The following MAPKAPK5 variants were observed in gnomAD, a reference collection of about 807,000 sequenced individuals.
MAPKAPK5 encodes the protein MAP kinase-activated protein kinase 5.
MAPKAPK5 carries 30 observed loss-of-function variants against 65.1 expected under a neutral mutation model. The observed-to-expected ratio is 0.46, with a 90% CI of 0.34 to 0.63. The LOEUF is 0.63. MAPKAPK5 is among the 20% of genes least tolerant of loss of function. The pLI is 0.01. For missense variants in MAPKAPK5, 433 were observed against 581.4 expected (o/e 0.74, Z 2.63); for synonymous variants, 179 against 204.6 (o/e 0.87, Z 1.07).
chr12:111,881,325 C>T (rs953385041), intron 8 of MAPKAPK5, among the ~76,000 whole-genome samples: 5 of 151,656 alleles, frequency 3.3e-5, no homozygotes, highest in African/African-American at 1.2e-4. Context: ...CCGCCCGCCT[C>T]GGCCTCCCAA....
intron 5 of MAPKAPK5, among the ~76,000 whole-genome samples, chr12:111,869,528 TTAA>T (rs1381740059): frequency 6.6e-6 from 1 of 152,202 alleles, no homozygotes; most frequent in Non-Finnish European, 1.5e-5. Context: ...CAATTGCTTC[TTAA>T]TAAAAAGTTC....
chr12:111,868,558 A>G (rs186599380), intron 4 of MAPKAPK5, among the ~76,000 whole-genome samples, 195 bp from the exon 5 acceptor site: 431 of 152,338 alleles, frequency 2.8e-3, no homozygotes, highest in Non-Finnish European at 4.8e-3. Context: ...ATGGTAGCCA[A>G]AAATCACATT....
chr12:111,874,773 CTTTTTTT>C (rs34005167), intron 7 of MAPKAPK5, among the ~76,000 whole-genome samples: 1 of 107,692 alleles, frequency 9.3e-6, no homozygotes, highest in Non-Finnish European at 1.8e-5. Flanking sequence ...ATACTAGTGA[CTTTTTTT>C]TTTTTTTTTT....
rs1035676631 is a variant in MAPKAPK5, at chr12:111,894,630, T to G, written c.*1569T>G. On this transcript the variant is annotated 3_prime_UTR_variant, in exon 14 of 14. Transcript: ENST00000550735. Reference sequence around the variant, plus strand: ...TGGCATCCTCTGGGCTGCATTTATCTTGTTTATTACCCTTCATTTTCAGGA... The same window carrying G: ...TGGCATCCTCTGGGCTGCATTTATCGTGTTTATTACCCTTCATTTTCAGGA... The G allele has an allele frequency of 1.3e-5, 2 of 152,150 alleles. No individual in the cohort carries two copies. The highest frequency in any genetic ancestry group is 2.9e-5 in the Non-Finnish European group (2 of 68,030). The allele number at this position is 152,150 out of a possible 1,614,324, so 9.4% of individuals were successfully genotyped here. A position where few individuals can be genotyped will look rare whatever the true frequency, so the allele number is the denominator to read the frequency against.
At position 111,868,656 on chromosome 12, in the gene MAPKAPK5, G is replaced by A. The variant is rs536426216; in HGVS notation, c.285-97G>A. 65 of 865,354 alleles carry A rather than the reference G, an allele frequency of 7.5e-5. 1 individual carries two copies. The Admixed American group carries it at 1.6e-3, about 21-fold the overall frequency. The allele number at this position is 865,354 out of a possible 1,614,324, so 53.6% of individuals were successfully genotyped here. A position where few individuals can be genotyped will look rare whatever the true frequency, so the allele number is the denominator to read the frequency against. On this transcript the variant is annotated intron_variant, in intron 4 of 13. Coordinates refer to ENST00000550735, the MANE Select transcript of MAPKAPK5 (RefSeq NM_003668.4). Reference sequence around the variant, plus strand: ...GGAAGTTGTTACACACTTTGTAGATGCAGTATCTTTAGGTCAGCTTCTTAA... The same window carrying A: ...GGAAGTTGTTACACACTTTGTAGATACAGTATCTTTAGGTCAGCTTCTTAA...
chr12:111,892,771 G>T (rs2070659655), intron 13 of MAPKAPK5, among the ~76,000 whole-genome samples, 196 bp from the exon 14 acceptor site: 1 of 152,108 alleles, frequency 6.6e-6, no homozygotes, highest in South Asian at 2.1e-4. Flanking sequence ...GATTTTTACT[G>T]CCAGGTTAGT....
intron 1 of MAPKAPK5, among the ~76,000 whole-genome samples, chr12:111,862,954 T>C (rs942352259): frequency 6.6e-6 from 1 of 152,144 alleles, no homozygotes; most frequent in Non-Finnish European, 1.5e-5. Flanking sequence ...AAACAGGTCA[T>C]GTAGCAGATA....
chr12:111,847,995 A>G (rs767037259), intron 1 of MAPKAPK5, among the ~76,000 whole-genome samples: 2 of 152,222 alleles, frequency 1.3e-5, no homozygotes, highest in Non-Finnish European at 2.9e-5. Context: ...TCTCAGTTAT[A>G]GGACATTTAG....
Position 111,888,474 on chromosome 12 carries a change from G to C in MAPKAPK5, c.970-14G>C, listed in dbSNP as rs1175023219. ...CAATGAATATGAAAAACTGACGGCA[G>C]TGTTTGCATTCAGGCAGTGGTTGCA... is the stretch of plus-strand genomic sequence containing the variant. On this transcript the variant is annotated splice_polypyrimidine_tract_variant and intron_variant, in intron 10 of 13. Transcript: ENST00000550735. 2 of 1,612,332 alleles carry C rather than the reference G, an allele frequency of 1.2e-6. No individual in the cohort carries two copies. The highest frequency in any genetic ancestry group is 2.7e-5 in the African/African-American group (2 of 74,842).
rs1384291868 is a variant in MAPKAPK5 at position 111,897,969 on chromosome 12, G to A, written c.*4908G>A. 1 of 151,386 alleles carries A rather than the reference G, an allele frequency of 6.6e-6. No homozygotes were observed. Among genetic ancestry groups the A allele is most frequent in the Non-Finnish European group, 1.5e-5 (1 of 67,930 alleles). 9.4% of individuals were successfully genotyped at this position (151,386 alleles called of 1,614,324 possible). The stretch of plus-strand genomic sequence containing the variant: ...AACTGCGTAAGGAATGGGTGCATAG[G>A]GCTTCTTTTCCTTTTAAATTTGTAC... On this transcript the variant is annotated 3_prime_UTR_variant, in exon 14 of 14. Transcript: ENST00000550735.
At chr12:111,862,682 ACT>A (rs2069481393) in intron 1 of MAPKAPK5, among the ~76,000 whole-genome samples, 1 of 152,080 alleles carries the variant, frequency 6.6e-6, no homozygotes, top group Non-Finnish European at 1.5e-5. Flanking sequence ...ACAGAGCAAT[ACT>A]CTGTCTCAAA....
rs1456787981 is a variant in MAPKAPK5, at chr12:111,900,892, TATATG to T, written c.*7832_*7836del. On this transcript the variant is annotated 3_prime_UTR_variant, in exon 14 of 14. Coordinates refer to ENST00000550735, the MANE Select transcript of MAPKAPK5 (RefSeq NM_003668.4). Reference sequence around the variant, plus strand: ...GACCCTAATAATCAGTGCTTACAATTATATGGATATGGTGCAAAATCAGCCTCACA... The same window carrying T: ...GACCCTAATAATCAGTGCTTACAATTGATATGGTGCAAAATCAGCCTCACA... 1 of 455,844 alleles carries T rather than the reference TATATG, an allele frequency of 2.2e-6. No homozygotes were observed. Among genetic ancestry groups the T allele is most frequent in the African/African-American group, 2.0e-5 (1 of 50,000 alleles). 28.2% of individuals were successfully genotyped at this position (455,844 alleles called of 1,614,324 possible).
chr12:111,873,784 AT>A (rs2069862539), intron 7 of MAPKAPK5, among the ~76,000 whole-genome samples: 2 of 152,098 alleles, frequency 1.3e-5, no homozygotes, highest in African/African-American at 4.8e-5. Context: ...TTGACTTCAG[AT>A]TCATTCTTTT....
intron 1 of MAPKAPK5, among the ~76,000 whole-genome samples, chr12:111,858,116 G>A (rs1052181195): frequency 5.9e-5 from 9 of 152,212 alleles, no homozygotes; most frequent in Admixed American, 5.9e-4. Context: ...TGTTGCCCAG[G>A]CTGGTCTTGA....
At chr12:111,887,814 TACACAC>T (rs58382752) in intron 10 of MAPKAPK5, 2,335 of 144,894 alleles carry the variant, frequency 0.016, 59 homozygotes, top group African/African-American at 0.049. Context: ...TTTTCTGGGA[TACACAC>T]ACACACACAC....
At chr12:111,846,860 G>A (rs1231334795) in intron 1 of MAPKAPK5, among the ~76,000 whole-genome samples, 1 of 152,034 alleles carries the variant, frequency 6.6e-6, no homozygotes, top group Non-Finnish European at 1.5e-5. Flanking sequence ...CATATTGCCT[G>A]GGACATGAAT....
Position 111,890,101 on chromosome 12 carries a change from A to G in MAPKAPK5, c.1278A>G (p.Glu426=), listed in dbSNP as rs761254935. Residue 426 remains glutamate (E), a synonymous_variant, in exon 13 of 14, where the codon GAA becomes GAG. Transcript: ENST00000550735. ...VMQEAWKYNR[E]CKLLRDTLQS... is the part of the protein sequence containing the mutation. ...AGGAGGCTTGGAAGTATAACCGGGA[A>G]TGCAAACTCCTAAGAGATACTCTGC... 1 of 1,599,462 alleles carries G rather than the reference A, an allele frequency of 6.3e-7. No individual in the cohort carries two copies. The highest frequency in any genetic ancestry group is 2.2e-5 in the East Asian group (1 of 44,466).
chr12:111,865,425 A>G lies in MAPKAPK5; in HGVS notation c.110+102A>G. The stretch of plus-strand genomic sequence containing the variant: ...TTGAATTAGACACATCAGGTGTGCC[A>G]GATTTGAGGAATAGGCTGAATTTAA... On this transcript the variant is annotated intron_variant, in intron 2 of 13. Coordinates refer to ENST00000550735, the MANE Select transcript of MAPKAPK5 (RefSeq NM_003668.4). The G allele has an allele frequency of 3.8e-6, 3 of 780,166 alleles. No individual in the cohort carries two copies. In the Admixed American group the frequency reaches 6.8e-5, roughly 18 times the overall value. The allele number at this position is 780,166 out of a possible 1,614,324, so 48.3% of individuals were successfully genotyped here.
chr12:111,878,948 G>A (rs531841382), intron 7 of MAPKAPK5, among the ~76,000 whole-genome samples: 3 of 152,222 alleles, frequency 2.0e-5, no homozygotes, highest in East Asian at 3.9e-4. Flanking sequence ...ATCAGGTAGC[G>A]TTGGCCCTCC....
Sources: gnomAD v4.1 joint callset for allele counts (sites outside exome capture counted in the v4.1 genomes callset) on GRCh38, gnomAD v4.1.1 for gene constraint, MANE v1.5 for transcripts, NCBI Gene and HGNC (gene_info 2026-07-23, HGNC 2026-07-21) for gene names.